APMAP: variants seen among roughly 807,000 people sequenced by gnomAD.
The protein encoded by APMAP is adipocyte plasma membrane-associated protein.
APMAP carries 33 observed loss-of-function variants against 43.6 expected under a neutral mutation model. That is an observed-to-expected ratio of 0.76 (90% CI 0.57 to 1.01). The LOEUF is 1.01. Among genes scored for constraint, APMAP ranks in the 50% least tolerant of loss-of-function variants. APMAP has a pLI of 0.00. For synonymous variants in APMAP, 224 were observed against 216.7 expected (o/e 1.03, Z -0.30); for missense variants, 498 against 540.7 (o/e 0.92, Z 0.78).
At chr20:24,974,452 G>GA (rs1164937650) in intron 3 of APMAP, among the ~76,000 whole-genome samples, 3 of 152,090 alleles carry the variant, frequency 2.0e-5, no homozygotes, top group Admixed American at 2.0e-4. Flanking sequence ...TAAGGGCAAA[G>GA]AATAGAAAAC....
chr20:24,966,018 A>ATG (rs2087939493), intron 8 of APMAP, among the ~76,000 whole-genome samples: 2 of 151,926 alleles, frequency 1.3e-5, no homozygotes, highest in Admixed American at 6.6e-5. Context: ...GTGTGCTTGT[A>ATG]CTCCCAGCGT....
At chr20:24,989,933 T>C (rs989170586) in intron 1 of APMAP, among the ~76,000 whole-genome samples, 1 of 152,216 alleles carries the variant, frequency 6.6e-6, no homozygotes, top group African/African-American at 2.4e-5. Flanking sequence ...CTAAAATCCT[T>C]CAGAAGTTTA....
At chr20:24,989,653 A>G (rs1443094115) in intron 1 of APMAP, among the ~76,000 whole-genome samples, 2 of 151,966 alleles carry the variant, frequency 1.3e-5, no homozygotes, top group African/African-American at 4.9e-5. Flanking sequence ...TTTTTTAGTG[A>G]CAGCATCTTG....
chr20:24,965,953 G>A (rs574640041), intron 8 of APMAP, among the ~76,000 whole-genome samples: 9 of 152,330 alleles, frequency 5.9e-5, no homozygotes, highest in South Asian at 4.1e-4. Context: ...AGGCATAAGC[G>A]TGAGTGGTGT....
At chr20:24,972,489 G>GT (rs2088013575) in intron 4 of APMAP, among the ~76,000 whole-genome samples, 2 of 141,732 alleles carry the variant, frequency 1.4e-5, no homozygotes, top group African/African-American at 5.3e-5. Context: ...TCACCGCAGG[G>GT]GCTTACTGCA....
At chr20:24,968,572 G>C (rs77184798) in intron 8 of APMAP, among the ~76,000 whole-genome samples, 1 of 152,044 alleles carries the variant, frequency 6.6e-6, no homozygotes, top group Non-Finnish European at 1.5e-5. Flanking sequence ...TGACAGGCAC[G>C]CAGATGCCCA....
intron 3 of APMAP, among the ~76,000 whole-genome samples, chr20:24,975,134 C>G (rs1011354529): frequency 1.1e-4 from 16 of 152,086 alleles, no homozygotes; most frequent in Admixed American, 9.8e-4. Flanking sequence ...CAAAGATGCC[C>G]CTATCACCAC....
chr20:24,989,988 T>G (rs944542672), intron 1 of APMAP, among the ~76,000 whole-genome samples: 9 of 152,262 alleles, frequency 5.9e-5, no homozygotes, highest in Non-Finnish European at 5.9e-5. Flanking sequence ...TGAAACATAT[T>G]AAATCCTCAA....
Position 24,973,674 on chromosome 20 carries a change from G to A in APMAP, c.392C>T (p.Thr131Ile), listed in dbSNP as rs746852265. 7 of 1,614,130 alleles carry A rather than the reference G, an allele frequency of 4.3e-6. No individual in the cohort carries two copies. The highest frequency in any genetic ancestry group is 5.9e-6 in the Non-Finnish European group (7 of 1,179,980). ...VVKLENGEIE[T>I]IARFGSGPCK... is the part of the protein sequence containing the mutation. ...AGGGCCCGAACCAAACCGGGCAATG[G>A]TCTCTATTTCACCATTTTCAAGTTT... Residue 131 changes from threonine (T) to isoleucine (I), a missense_variant, in exon 4 of 9, where the codon ACC becomes ATC. Thr to Ile is a moderately conservative substitution (Grantham distance 89). Transcript: ENST00000217456.
At chr20:24,984,054 G>T in intron 1 of APMAP, 35 bp from the exon 2 acceptor site, 1 of 1,550,988 alleles carries the variant, frequency 6.4e-7, no homozygotes, top group Non-Finnish European at 8.9e-7. Context: ...GCAATCAGCT[G>T]AGTCTCAGAC....
chr20:24,988,812 G>A (rs986018530), intron 1 of APMAP, among the ~76,000 whole-genome samples: 2 of 152,210 alleles, frequency 1.3e-5, no homozygotes, highest in African/African-American at 4.8e-5. Context: ...TCACGTATTA[G>A]AAATACTAGC....
chr20:24,976,186 ATAAT>A (rs759930954), intron 3 of APMAP, among the ~76,000 whole-genome samples: 7 of 152,368 alleles, frequency 4.6e-5, no homozygotes, highest in Middle Eastern at 3.4e-3. Context: ...ACATGAAGAA[ATAAT>A]TAATAAGTGA....
intron 3 of APMAP, among the ~76,000 whole-genome samples, chr20:24,976,112 G>A (rs2088048382): frequency 6.6e-6 from 1 of 152,128 alleles, no homozygotes; most frequent in Non-Finnish European, 1.5e-5. Context: ...GTATGATGAT[G>A]AATTTTTAGA....
intron 5 of APMAP, among the ~76,000 whole-genome samples, chr20:24,970,998 A>G (rs2087994386): frequency 6.6e-6 from 1 of 152,236 alleles, no homozygotes; most frequent in South Asian, 2.1e-4. Context: ...ACCTCCACTG[A>G]GACACACAGC....
chr20:24,988,361 C>G (rs1405599806), intron 1 of APMAP, among the ~76,000 whole-genome samples: 4 of 152,074 alleles, frequency 2.6e-5, no homozygotes, highest in Admixed American at 1.3e-4. Context: ...CTGGTGGCAC[C>G]CCATTTAAAT....
chr20:24,973,496 A>G (rs2088022933), intron 4 of APMAP, 149 bp downstream of exon 4: 4 of 716,268 alleles, frequency 5.6e-6, no homozygotes, highest in Middle Eastern at 3.3e-4. Flanking sequence ...GCAAATGAAG[A>G]GCTCGTAGTG....
intron 4 of APMAP, among the ~76,000 whole-genome samples, chr20:24,972,738 G>A (rs949435602): frequency 6.6e-6 from 1 of 151,882 alleles, no homozygotes; most frequent in Admixed American, 6.6e-5. Context: ...GGTGCTTACT[G>A]CAGGGTGTTC....
chr20:24,963,931 T>C lies in APMAP; in HGVS notation c.1133A>G (p.His378Arg). The C allele has an allele frequency of 1.2e-6, 2 of 1,614,240 alleles. No individual in the cohort carries two copies. The highest frequency in any genetic ancestry group is 1.7e-6 in the Non-Finnish European group (2 of 1,180,046). Residue 378 changes from histidine (H) to arginine (R), a missense_variant, in exon 9 of 9, where the codon CAT becomes CGT. By Grantham distance (29) the His-to-Arg change is conservative. Transcript: ENST00000217456. ...GGTGGCCACCAGCCCATCGGGATCATGCAGGCTTCTCCGGAAGGCACCGCT... is the reference window on the plus strand; with the variant it reads ...GGTGGCCACCAGCCCATCGGGATCACGCAGGCTTCTCCGGAAGGCACCGCT... ...SDSGAFRRSLHDPDGLVATYI... is the reference protein window; with the variant it reads ...SDSGAFRRSLRDPDGLVATYI...
intron 3 of APMAP, 125 bp downstream of exon 3, chr20:24,978,642 G>A: frequency 1.4e-6 from 1 of 736,692 alleles, no homozygotes; most frequent in Non-Finnish European, 2.3e-6. Flanking sequence ...CACGTCCGCA[G>A]CTAAGAAGGA....
Sources: allele counts gnomAD v4.1 joint callset (sites outside exome capture counted in the v4.1 genomes callset), GRCh38; gene constraint gnomAD v4.1.1; transcripts MANE v1.5; gene names NCBI Gene and HGNC (gene_info 2026-07-23, HGNC 2026-07-21).